The following AUTS2 variants were observed in gnomAD, a reference collection of about 807,000 sequenced individuals.
AUTS2 encodes the protein autism susceptibility gene 2 protein.
AUTS2 carries 17 observed loss-of-function variants against 112.4 expected under a neutral mutation model. That is an observed-to-expected ratio of 0.15 (90% confidence interval 0.10 to 0.23). The LOEUF (loss-of-function observed/expected upper bound fraction) is 0.23, where lower values mean the gene tolerates loss of function less well. Among genes scored for constraint, AUTS2 ranks in the 10% least tolerant of loss-of-function variants. The probability of loss-of-function intolerance (pLI) is 1.00; values close to 1 mark genes in which losing one functional copy is unlikely to be tolerated. For synonymous variants in AUTS2, 751 were observed against 702.7 expected (o/e 1.07, Z -1.09); for missense variants, 1,510 against 1,701.6 (o/e 0.89, Z 1.98).
chr7:70,469,117 A>G (rs1022446650), intron 5 of AUTS2, among the ~76,000 whole-genome samples: 11 of 152,246 alleles, frequency 7.2e-5, no homozygotes, highest in African/African-American at 2.7e-4. Context: ...TCATTCATAC[A>G]GTCAACAAGT....
chr7:69,944,729 A>T (rs1194880996), intron 2 of AUTS2, among the ~76,000 whole-genome samples: 1 of 152,114 alleles, frequency 6.6e-6, no homozygotes, highest in Admixed American at 6.5e-5. Context: ...ATTCTTGGCT[A>T]AAACTTTTTG....
At chr7:70,296,555 A>G (rs1400718969) in intron 4 of AUTS2, among the ~76,000 whole-genome samples, 1 of 152,168 alleles carries the variant, frequency 6.6e-6, no homozygotes, top group Admixed American at 6.5e-5. Context: ...ATCTTCCCAC[A>G]TCGTGAGATG....
chr7:69,967,161 G>C (rs1256112572), intron 2 of AUTS2, among the ~76,000 whole-genome samples: 2 of 152,146 alleles, frequency 1.3e-5, no homozygotes, highest in African/African-American at 2.4e-5. Context: ...GGAGATCATG[G>C]GGTTAAATCT....
At chr7:70,387,131 C>CT (rs1793648450) in intron 4 of AUTS2, among the ~76,000 whole-genome samples, 1 of 152,238 alleles carries the variant, frequency 6.6e-6, no homozygotes, top group Non-Finnish European at 1.5e-5. Context: ...CTACCATTCT[C>CT]TTTTTCTCAT....
intron 1 of AUTS2, among the ~76,000 whole-genome samples, chr7:69,838,416 C>T (rs183426894): frequency 6.6e-6 from 1 of 152,196 alleles, no homozygotes; most frequent in East Asian, 1.9e-4. Context: ...GTCAGGTAGA[C>T]AGTATTATTA....
At chr7:69,630,154 G>A (rs1338025817) in intron 1 of AUTS2, among the ~76,000 whole-genome samples, 1 of 152,140 alleles carries the variant, frequency 6.6e-6, no homozygotes, top group Non-Finnish European at 1.5e-5. Flanking sequence ...CTACTCTGGA[G>A]GCTGAGACAG....
chr7:69,613,099 C>T (rs1793136170), intron 1 of AUTS2, among the ~76,000 whole-genome samples: 1 of 152,178 alleles, frequency 6.6e-6, no homozygotes, highest in Middle Eastern at 3.2e-3. Context: ...GCCGTTAAAT[C>T]AACTTGGCCA....
chr7:70,762,933 C>T lies in AUTS2; in HGVS notation c.806C>T (p.Pro269Leu), dbSNP rs1417001958. The T allele has an allele frequency of 6.2e-7, 1 of 1,614,074 alleles. No homozygotes were observed. The highest frequency in any genetic ancestry group is 1.7e-5 in the Admixed American group (1 of 60,010). The change falls in exon 7 of 19, where the codon CCC becomes CTC. Residue 269 changes from proline to leucine, a missense_variant. By Grantham distance (98) the Pro-to-Leu change is moderately conservative. Coordinates refer to ENST00000342771, the MANE Select transcript of AUTS2 (RefSeq NM_015570.4). ...AGCCAGGATGCAGGGCCGATTGTCC[C>T]CAAGATATCGGGTCTAGAGAGAAGC... The part of the protein sequence containing the change: ...HDSQDAGPIV[P>L]KISGLERSQE...
intron 5 of AUTS2, among the ~76,000 whole-genome samples, chr7:70,608,015 C>A (rs1803874833): frequency 6.6e-6 from 1 of 152,166 alleles, no homozygotes; most frequent in Non-Finnish European, 1.5e-5. Context: ...GACACTGGTA[C>A]CCTAAGCACA....
At chr7:70,539,973 C>T (rs1800483460) in intron 5 of AUTS2, among the ~76,000 whole-genome samples, 1 of 152,202 alleles carries the variant, frequency 6.6e-6, no homozygotes, top group South Asian at 2.1e-4. Context: ...TCATCCAGCC[C>T]TACTCCTCCC....
chr7:70,285,677 T>C (rs1788426161), intron 4 of AUTS2, among the ~76,000 whole-genome samples: 1 of 152,260 alleles, frequency 6.6e-6, no homozygotes, highest in Non-Finnish European at 1.5e-5. Flanking sequence ...GGGTCATACA[T>C]TGACATTTAT....
At chr7:69,810,935 A>G (rs183692644) in intron 1 of AUTS2, among the ~76,000 whole-genome samples, 7 of 152,332 alleles carry the variant, frequency 4.6e-5, no homozygotes, top group African/African-American at 1.2e-4. Flanking sequence ...TTTGAAAGCA[A>G]CATTTTTGTT....
At chr7:69,905,338 A>C (rs187908763) in intron 2 of AUTS2, among the ~76,000 whole-genome samples, 6 of 152,310 alleles carry the variant, frequency 3.9e-5, no homozygotes, top group Admixed American at 3.9e-4. Flanking sequence ...TACCAGTAGA[A>C]TATATATGTG....
chr7:69,916,374 T>C (rs1211961958), intron 2 of AUTS2, among the ~76,000 whole-genome samples: 1 of 152,230 alleles, frequency 6.6e-6, no homozygotes, highest in Non-Finnish European at 1.5e-5. Flanking sequence ...AACAAAATAA[T>C]GAATACATCT....
chr7:69,745,449 C>G (rs772757884), intron 1 of AUTS2, among the ~76,000 whole-genome samples: 1 of 152,282 alleles, frequency 6.6e-6, no homozygotes, highest in African/African-American at 2.4e-5. Context: ...TTGAAATGCA[C>G]TTTTGCCTCC....
chr7:69,650,237 G>A (rs147455918), intron 1 of AUTS2, among the ~76,000 whole-genome samples: 33 of 152,326 alleles, frequency 2.2e-4, no homozygotes, highest in Non-Finnish European at 1.3e-4. Flanking sequence ...TATGTCCTAA[G>A]TAGGTTAAGA....
chr7:70,010,358 T>G (rs1269939812), intron 2 of AUTS2, among the ~76,000 whole-genome samples: 2 of 152,182 alleles, frequency 1.3e-5, no homozygotes, highest in African/African-American at 4.8e-5. Context: ...TTTGTCCAAG[T>G]TGATCTCAAA....
intron 1 of AUTS2, among the ~76,000 whole-genome samples, chr7:69,672,588 A>T (rs1166193917): frequency 6.6e-6 from 1 of 152,212 alleles, no homozygotes; most frequent in African/African-American, 2.4e-5. Context: ...TGAGCCAAGG[A>T]CAATTTTTAG....
At chr7:70,589,312 G>A (rs1802829483) in intron 5 of AUTS2, among the ~76,000 whole-genome samples, 1 of 152,234 alleles carries the variant, frequency 6.6e-6, no homozygotes, top group Non-Finnish European at 1.5e-5. Context: ...GCGAAGTGGA[G>A]CTGCAGGAGA....
Sources: gnomAD v4.1 joint callset for allele counts (sites outside exome capture counted in the v4.1 genomes callset) on GRCh38, gnomAD v4.1.1 for gene constraint, MANE v1.5 for transcripts, NCBI Gene and HGNC (gene_info 2026-07-23, HGNC 2026-07-21) for gene names.